ROBO2: variants seen among roughly 807,000 people sequenced by gnomAD.
ROBO2 encodes roundabout guidance receptor 2.
A neutral mutation model predicts 160.8 loss-of-function variants in ROBO2; 53 were observed. The observed-to-expected ratio is 0.33, with a 90% CI of 0.26 to 0.41. The LOEUF (loss-of-function observed/expected upper bound fraction) is 0.41. ROBO2 is among the 10% of genes least tolerant of loss of function. The pLI, the probability that ROBO2 is intolerant of heterozygous loss-of-function variation, is 1.00. For missense variants in ROBO2, 1,577 were observed against 1,722.4 expected, an observed-to-expected ratio of 0.92 and a Z score of 1.49; for synonymous variants, 664 against 611.7, an observed-to-expected ratio of 1.09 and a Z score of -1.26.
At chr3:76,326,560 C>A (rs1484306637) in intron 2 of ROBO2, among the ~76,000 whole-genome samples, 1 of 152,032 alleles carries the variant, frequency 6.6e-6, no homozygotes, top group Non-Finnish European at 1.5e-5. Flanking sequence ...TTGCATAATG[C>A]ATATACCGAA....
intron 1 of ROBO2, among the ~76,000 whole-genome samples, chr3:75,928,705 T>A (rs1261052364): frequency 6.6e-6 from 1 of 152,222 alleles, no homozygotes; most frequent in East Asian, 1.9e-4. Flanking sequence ...CCATAGCTGA[T>A]GATTATAGAA....
At chr3:77,544,806 C>T (rs943124295) in intron 6 of ROBO2, among the ~76,000 whole-genome samples, 2 of 151,912 alleles carry the variant, frequency 1.3e-5, no homozygotes, top group Admixed American at 6.6e-5. Context: ...GCCTAAGAAG[C>T]GAGTTAAAGT....
intron 2 of ROBO2, among the ~76,000 whole-genome samples, chr3:77,413,247 A>G (rs1224162624): frequency 2.6e-5 from 4 of 151,614 alleles, no homozygotes; most frequent in Non-Finnish European, 4.4e-5. Context: ...GGTAAAAAAG[A>G]AAAAAAAAGT....
intron 19 of ROBO2, among the ~76,000 whole-genome samples, chr3:77,600,243 A>G (rs1011402143): frequency 7.9e-5 from 12 of 152,240 alleles, no homozygotes; most frequent in Non-Finnish European, 1.5e-4. Context: ...TCTCCTTAAC[A>G]TCCAAATATT....
intron 2 of ROBO2, among the ~76,000 whole-genome samples, chr3:77,294,808 A>G (rs2061843573): frequency 6.6e-6 from 1 of 151,258 alleles, no homozygotes; most frequent in Admixed American, 6.6e-5. Context: ...CTGAGGCTAG[A>G]TCACCCCAGA....
At chr3:77,386,890 A>C (rs2153494108) in intron 2 of ROBO2, among the ~76,000 whole-genome samples, 2 of 151,946 alleles carry the variant, frequency 1.3e-5, no homozygotes, top group East Asian at 3.9e-4. Context: ...GGCATGAACC[A>C]CTGCGCCCAG....
chr3:77,384,643 T>A (rs1315397068), intron 2 of ROBO2, among the ~76,000 whole-genome samples: 1 of 152,184 alleles, frequency 6.6e-6, no homozygotes, highest in East Asian at 1.9e-4. Context: ...GAAATATAAG[T>A]GATACTCAAT....
intron 2 of ROBO2, among the ~76,000 whole-genome samples, chr3:76,297,560 A>G (rs1709135150): frequency 6.6e-6 from 1 of 152,146 alleles, no homozygotes; most frequent in Admixed American, 6.6e-5. Flanking sequence ...ACTTGAGCTT[A>G]AGTATCTCCT....
chr3:77,110,496 G>A (rs1226586594), intron 2 of ROBO2, among the ~76,000 whole-genome samples: 1 of 151,620 alleles, frequency 6.6e-6, no homozygotes, highest in African/African-American at 2.4e-5. Flanking sequence ...AAAGGAGGAA[G>A]CATAGCCTTT....
chr3:77,296,109 G>A (rs957528139), intron 2 of ROBO2, among the ~76,000 whole-genome samples: 5 of 151,558 alleles, frequency 3.3e-5, no homozygotes, highest in South Asian at 4.2e-4. Flanking sequence ...TGGTTAAACG[G>A]GTAGGCTGAG....
chr3:77,547,123 G>A (rs1485453082), intron 7 of ROBO2, among the ~76,000 whole-genome samples: 2 of 152,032 alleles, frequency 1.3e-5, no homozygotes, highest in African/African-American at 4.8e-5. Flanking sequence ...GCCTCTCAGA[G>A]TCTCTATGGA....
chr3:76,332,801 T>C (rs1278574638), intron 2 of ROBO2, among the ~76,000 whole-genome samples: 1 of 152,184 alleles, frequency 6.6e-6, no homozygotes, highest in Non-Finnish European at 1.5e-5. Context: ...CATCCATAAT[T>C]AACACAATAA....
At chr3:76,434,298 C>T in intron 2 of ROBO2, 1 of 1,057,332 alleles carries the variant, frequency 9.5e-7, no homozygotes, top group Non-Finnish European at 1.5e-6. Flanking sequence ...AGATAATAAG[C>T]TTTCCAATTT....
intron 2 of ROBO2, among the ~76,000 whole-genome samples, chr3:77,370,947 AG>A (rs1277634879): frequency 7.2e-5 from 11 of 152,252 alleles, no homozygotes; most frequent in African/African-American, 2.6e-4. Flanking sequence ...TTTCCATAAA[AG>A]CTCTGACGTC....
chr3:77,137,727 G>A (rs1038847649), intron 2 of ROBO2, among the ~76,000 whole-genome samples: 1 of 152,210 alleles, frequency 6.6e-6, no homozygotes, highest in Non-Finnish European at 1.5e-5. Flanking sequence ...GTGCTTGAGA[G>A]AAACTCCCCA....
intron 2 of ROBO2, among the ~76,000 whole-genome samples, chr3:77,241,842 T>A (rs1252287783): frequency 1.3e-5 from 2 of 152,194 alleles, no homozygotes; most frequent in Non-Finnish European, 2.9e-5. Context: ...TTTGTATCAG[T>A]CTTTCCTTTA....
At chr3:75,944,872 C>T (rs1948211063) in intron 2 of ROBO2, among the ~76,000 whole-genome samples, 1 of 152,084 alleles carries the variant, frequency 6.6e-6, no homozygotes, top group African/African-American at 2.4e-5. Context: ...TTTTCTCCAC[C>T]TAGTTATCTT....
intron 2 of ROBO2, among the ~76,000 whole-genome samples, chr3:76,090,898 C>T (rs1380185745): frequency 6.6e-6 from 1 of 152,090 alleles, no homozygotes; most frequent in Non-Finnish European, 1.5e-5. Flanking sequence ...CACCCACATG[C>T]GAACAAACTA....
At chr3:77,407,996 G>A (rs1169840294) in intron 2 of ROBO2, among the ~76,000 whole-genome samples, 3 of 151,876 alleles carry the variant, frequency 2.0e-5, no homozygotes, top group African/African-American at 2.4e-5. Context: ...AAAGGTGCAT[G>A]CACTTCCCAA....
Sources: gnomAD v4.1 joint callset for allele counts (sites outside exome capture counted in the v4.1 genomes callset) on GRCh38, gnomAD v4.1.1 for gene constraint, MANE v1.5 for transcripts, NCBI Gene and HGNC (gene_info 2026-07-23, HGNC 2026-07-21) for gene names.